MTPAP: variants seen among roughly 807,000 people sequenced by gnomAD.
MTPAP encodes poly(A) RNA polymerase, mitochondrial.
A neutral mutation model predicts 48.7 loss-of-function variants in MTPAP; 23 were observed. The observed-to-expected ratio is 0.47, with a 90% CI of 0.34 to 0.67. The LOEUF (loss-of-function observed/expected upper bound fraction) is 0.67. Among genes scored for constraint, MTPAP ranks in the 30% least tolerant of loss-of-function variants. The pLI is 0.01. For synonymous variants in MTPAP, 257 were observed against 254.1 expected (o/e 1.01, Z -0.11); for missense variants, 614 against 694.3 (o/e 0.88, Z 1.30).
chr10:30,313,459 C>G lies in MTPAP; in HGVS notation c.*150G>C, dbSNP rs1840622246. ...TCAAACTGAAAACATCCCAGAACTTCAGACCAGGTTAAGGGGGCCAATGAG... is the reference window on the plus strand; with the variant it reads ...TCAAACTGAAAACATCCCAGAACTTGAGACCAGGTTAAGGGGGCCAATGAG... On this transcript the variant is annotated 3_prime_UTR_variant, in exon 9 of 9. Coordinates refer to ENST00000263063, the MANE Select transcript of MTPAP (RefSeq NM_018109.4). The G allele has an allele frequency of 6.4e-6, 7 of 1,090,944 alleles. No homozygotes were observed. The South Asian group carries it at 9.5e-5, about 15-fold the overall frequency. 67.6% of individuals were successfully genotyped at this position (1,090,944 alleles called of 1,614,324 possible). A position where few individuals can be genotyped will look rare whatever the true frequency, so the allele number is the denominator to read the frequency against.
Position 30,315,612 on chromosome 10 carries a change from T to C in MTPAP, c.1386+351A>G, listed in dbSNP as rs149303447. Among the ~76,000 whole-genome samples the C allele has an allele frequency of 9.9e-4, 151 of 152,094 alleles. 2 individuals are homozygous for C. The East Asian group carries it at 0.026, about 26-fold the overall frequency. On this transcript the variant is annotated intron_variant, in intron 8 of 8. Coordinates refer to ENST00000263063, the MANE Select transcript of MTPAP (RefSeq NM_018109.4). ...ATCTTTGGGACTTAAGTTTATTCCA[T>C]AGACACAAATCCAGTTTAAAAACAG...
intron 6 of MTPAP, among the ~76,000 whole-genome samples, chr10:30,316,889 A>T (rs1840669125): frequency 1.8e-5 from 1 of 56,852 alleles, no homozygotes; most frequent in Admixed American, 2.1e-4. Context: ...CATCTCAAAA[A>T]ACAAAACAAA....
intron 4 of MTPAP, among the ~76,000 whole-genome samples, chr10:30,334,118 G>A (rs1457333011): frequency 6.6e-6 from 1 of 152,014 alleles, no homozygotes; most frequent in Non-Finnish European, 1.5e-5. Flanking sequence ...AAACATGACA[G>A]AAGAAATTTG....
At chr10:30,325,285 C>A (rs1282482550) in intron 5 of MTPAP, among the ~76,000 whole-genome samples, 4 of 152,078 alleles carry the variant, frequency 2.6e-5, no homozygotes, top group Admixed American at 6.5e-5. Context: ...GAGAAAGTCG[C>A]AAGTACTTAT....
intron 1 of MTPAP, among the ~76,000 whole-genome samples, chr10:30,344,280 T>C (rs1268160750): frequency 6.6e-6 from 1 of 152,194 alleles, no homozygotes; most frequent in African/African-American, 2.4e-5. Flanking sequence ...CTATGTCTTC[T>C]TCCTTCTGGT....
chr10:30,310,227 G>A lies in MTPAP; in HGVS notation c.*3382C>T, dbSNP rs1305273915. 2.0e-5 allele frequency: 3 copies of A among 152,142 alleles called. No individual in the cohort carries two copies. Among genetic ancestry groups the A allele is most frequent in the Non-Finnish European group, 2.9e-5 (2 of 68,024 alleles). 9.4% of individuals were successfully genotyped at this position (152,142 alleles called of 1,614,324 possible). ...AAAATCTGGGTTGTGATACACTAAA[G>A]TTATGAGAAAATATATTTGTCTGTA... On this transcript the variant is annotated 3_prime_UTR_variant, in exon 9 of 9. Transcript: ENST00000263063.
Position 30,313,475 on chromosome 10 carries a change from G to T in MTPAP, c.*134C>A. The T allele has an allele frequency of 8.0e-7, 1 of 1,244,860 alleles. No individual in the cohort carries two copies. The highest frequency in any genetic ancestry group is 1.2e-6 in the Non-Finnish European group (1 of 861,840). The allele number at this position is 1,244,860 out of a possible 1,614,324, so 77.1% of individuals were successfully genotyped here. A position where few individuals can be genotyped will look rare whatever the true frequency, so the allele number is the denominator to read the frequency against. On this transcript the variant is annotated 3_prime_UTR_variant, in exon 9 of 9. Coordinates refer to ENST00000263063, the MANE Select transcript of MTPAP (RefSeq NM_018109.4). ...CCAGAACTTCAGACCAGGTTAAGGG[G>T]GCCAATGAGAAGATCATGAAAAGTG...
At chr10:30,327,019 A>C (rs1337797562) in intron 4 of MTPAP, among the ~76,000 whole-genome samples, 1 of 152,182 alleles carries the variant, frequency 6.6e-6, no homozygotes, top group Non-Finnish European at 1.5e-5. Context: ...ATAAACCCAC[A>C]GTAGTATGGA....
At chr10:30,349,278 CTA>C (rs1834907429), upstream of MTPAP, 1 of 879,578 alleles carries the variant, frequency 1.1e-6, no homozygotes. Flanking sequence ...ACCGCCATTG[CTA>C]AAAAAAAAAA....
At chr10:30,331,116 T>C (rs1458941220) in intron 4 of MTPAP, among the ~76,000 whole-genome samples, 1 of 152,138 alleles carries the variant, frequency 6.6e-6, no homozygotes, top group African/African-American at 2.4e-5. Context: ...AAAATTTAGA[T>C]GAAAATTATA....
intron 5 of MTPAP, among the ~76,000 whole-genome samples, chr10:30,323,451 C>CAAAAAAAAAAAAAAAAAA (rs755342499): frequency 1.2e-5 from 1 of 84,722 alleles, no homozygotes; most frequent in Non-Finnish European, 2.0e-5. Context: ...GACCCTGCCT[C>CAAAAAAAAAAAAAAAAAA]AAAAAAAAAA....
chr10:30,314,639 G>A lies in MTPAP; in HGVS notation c.1387-668C>T, dbSNP rs975026474. 1.3e-4 allele frequency among the ~76,000 whole-genome samples: 20 copies of A among 152,048 alleles called. No homozygotes were observed. In the East Asian group the frequency reaches 2.7e-3, roughly 21 times the overall value. ...TGTAATCCAAGCATTTTGGGAGGCC[G>A]AGGCAGGTGGAACACCTGAGGTCAG... On this transcript the variant is annotated intron_variant, in intron 8 of 8. Transcript: ENST00000263063.
At chr10:30,342,022 T>C (rs943126521) in intron 1 of MTPAP, among the ~76,000 whole-genome samples, 4 of 152,168 alleles carry the variant, frequency 2.6e-5, no homozygotes, top group African/African-American at 4.8e-5. Context: ...GTGGATCACC[T>C]GAGGCCAGGA....
intron 1 of MTPAP, among the ~76,000 whole-genome samples, chr10:30,344,867 C>T (rs1190177797): frequency 6.6e-6 from 1 of 152,138 alleles, no homozygotes; most frequent in Non-Finnish European, 1.5e-5. Context: ...CTGCGCCAGG[C>T]TAATTTTTAT....
At position 30,322,354 on chromosome 10, in the gene MTPAP, G is replaced by C. The variant is rs7085884; in HGVS notation, c.1219+37C>G. The stretch of plus-strand genomic sequence containing the variant: ...GGTAATTATATTTACTCATAACATT[G>C]GAAAAAGAAAATGGAGAAGTTTCTT... On this transcript the variant is annotated intron_variant, in intron 6 of 8. Transcript: ENST00000263063. 24,270 of 1,458,416 alleles carry C rather than the reference G, an allele frequency of 0.017. 3,220 individuals carry two copies. In the African/African-American group the frequency reaches 0.29, roughly 18 times the overall value. 90.3% of individuals were successfully genotyped at this position (1,458,416 alleles called of 1,614,324 possible).
intron 5 of MTPAP, among the ~76,000 whole-genome samples, chr10:30,324,959 C>A (rs1834565907): frequency 6.6e-6 from 1 of 150,650 alleles, no homozygotes; most frequent in Non-Finnish European, 1.5e-5. Context: ...GCACTGCACT[C>A]TAGCCTACGC....
chr10:30,320,186 C>G (rs558784463), intron 6 of MTPAP, among the ~76,000 whole-genome samples: 1 of 152,240 alleles, frequency 6.6e-6, no homozygotes, highest in African/African-American at 2.4e-5. Context: ...ATCACTTAAG[C>G]CTGGGAGGCA....
At chr10:30,323,732 A>C (rs939671123) in intron 5 of MTPAP, among the ~76,000 whole-genome samples, 1 of 152,110 alleles carries the variant, frequency 6.6e-6, no homozygotes, top group African/African-American at 2.4e-5. Flanking sequence ...GGATGGTCTC[A>C]ATCTCCTGAC....
chr10:30,341,117 C>G (rs1834799930), intron 2 of MTPAP, among the ~76,000 whole-genome samples: 1 of 151,796 alleles, frequency 6.6e-6, no homozygotes, highest in Non-Finnish European at 1.5e-5. Context: ...ACTCCAGAGG[C>G]AGAAGGATCA....
Sources: allele counts gnomAD v4.1 joint callset (sites outside exome capture counted in the v4.1 genomes callset), GRCh38; gene constraint gnomAD v4.1.1; transcripts MANE v1.5; gene names NCBI Gene and HGNC (gene_info 2026-07-23, HGNC 2026-07-21).